Variants in CERT1 observed in about 807,000 individuals in gnomAD.
CERT1 encodes the protein ceramide transfer protein.
CERT1 carries 31 observed loss-of-function variants against 87.9 expected under a neutral mutation model. That is an observed-to-expected ratio of 0.35 (90% CI 0.27 to 0.48). The LOEUF is 0.48. Ranked by LOEUF, CERT1 falls within the 20% of genes least tolerant of loss-of-function variation. The probability of loss-of-function intolerance (pLI) is 0.99; values close to 1 mark genes in which losing one functional copy is unlikely to be tolerated. For synonymous variants in CERT1, 289 were observed against 250.9 expected (o/e 1.15, Z -1.44); for missense variants, 487 against 758.0 (o/e 0.64, Z 4.20).
chr5:75,505,200 T>C (rs1018066041), intron 2 of CERT1: 2 of 152,146 alleles, frequency 1.3e-5, no homozygotes, highest in African/African-American at 2.4e-5. Context: ...AGCAGAAGAA[T>C]TGCTTGAACC....
chr5:75,436,632 T>C (rs537018235), intron 3 of CERT1, among the ~76,000 whole-genome samples: 1 of 152,352 alleles, frequency 6.6e-6, no homozygotes, highest in South Asian at 2.1e-4. Flanking sequence ...TAGATACCTA[T>C]GTGTGATTCA....
chr5:75,454,669 C>A (rs1443645332), intron 3 of CERT1, among the ~76,000 whole-genome samples: 1 of 152,150 alleles, frequency 6.6e-6, no homozygotes, highest in Non-Finnish European at 1.5e-5. Flanking sequence ...CAACGACCAA[C>A]TAAGACCAAT....
chr5:75,497,604 G>C (rs1354494730), intron 2 of CERT1, among the ~76,000 whole-genome samples: 1 of 152,024 alleles, frequency 6.6e-6, no homozygotes, highest in Non-Finnish European at 1.5e-5. Context: ...TTTTATAAGG[G>C]CTTTCCCACC....
At chr5:75,496,338 T>C (rs1328029053) in intron 2 of CERT1, among the ~76,000 whole-genome samples, 1 of 146,952 alleles carries the variant, frequency 6.8e-6, no homozygotes, top group Non-Finnish European at 1.5e-5. Context: ...CTGACAAAAA[T>C]GCCAAGCAAA....
rs146905369 is a variant in CERT1, at chr5:75,424,503, C to T, written c.595+858G>A. Among the ~76,000 whole-genome samples the T allele has an allele frequency of 1.7e-3, 262 of 150,890 alleles. 2 individuals carry two copies. Among genetic ancestry groups the T allele is most frequent in the African/African-American group, 6.1e-3 (251 of 41,022 alleles). Reference sequence around the variant, plus strand: ...AGGACAATCACTTGAACCAGGGAGCCGGAGGTTGCAGCGAGCCGAGATCAC... The same window carrying T: ...AGGACAATCACTTGAACCAGGGAGCTGGAGGTTGCAGCGAGCCGAGATCAC... On this transcript the variant is annotated intron_variant, in intron 5 of 16. Coordinates refer to ENST00000643780, the MANE Select transcript of CERT1 (RefSeq NM_001379029.1).
chr5:75,467,781 A>G (rs1455353420), intron 2 of CERT1, among the ~76,000 whole-genome samples: 5 of 152,212 alleles, frequency 3.3e-5, no homozygotes, highest in African/African-American at 7.2e-5. Flanking sequence ...ACAGATGAGT[A>G]TATGTAAAAC....
intron 7 of CERT1, among the ~76,000 whole-genome samples, chr5:75,415,573 T>TA (rs1016511710): frequency 2.0e-5 from 3 of 152,016 alleles, no homozygotes; most frequent in South Asian, 2.1e-4. Context: ...TGCAAAGGTT[T>TA]AAAAAAAATT....
At position 75,470,025 on chromosome 5, in the gene CERT1, T is replaced by C. The variant is rs73764911; in HGVS notation, c.232-10844A>G. Among the ~76,000 whole-genome samples, 601 of 152,246 alleles carry C rather than the reference T, an allele frequency of 3.9e-3. 8 individuals are homozygous for C. Among genetic ancestry groups the C allele is most frequent in the African/African-American group, 0.014 (579 of 41,542 alleles). ...GAGGATATCACAATTATAAATATAA[T>C]ATGCATCCAACACTGGAACACCTAA... On this transcript the variant is annotated intron_variant, in intron 2 of 16. Coordinates refer to ENST00000643780, the MANE Select transcript of CERT1 (RefSeq NM_001379029.1).
chr5:75,441,034 T>G (rs139553542), intron 3 of CERT1, among the ~76,000 whole-genome samples: 142 of 152,258 alleles, frequency 9.3e-4, no homozygotes, highest in African/African-American at 3.3e-3. Flanking sequence ...TATCCAATAT[T>G]TAAAATGTGT....
At chr5:75,435,737 G>C (rs982633828) in intron 3 of CERT1, among the ~76,000 whole-genome samples, 4 of 152,156 alleles carry the variant, frequency 2.6e-5, no homozygotes, top group Admixed American at 6.5e-5. Flanking sequence ...AATCCTGGGG[G>C]GCTGAGACCA....
intron 2 of CERT1, among the ~76,000 whole-genome samples, chr5:75,470,921 T>C (rs1370450704): frequency 6.6e-6 from 1 of 152,086 alleles, no homozygotes; most frequent in Non-Finnish European, 1.5e-5. Context: ...AAAAAATCAC[T>C]AGTGTTTTTA....
At chr5:75,390,828 CAG>C (rs1230087129) in intron 11 of CERT1, among the ~76,000 whole-genome samples, 1 of 152,140 alleles carries the variant, frequency 6.6e-6, no homozygotes, top group Admixed American at 6.6e-5. Context: ...CCGCCAGAGA[CAG>C]GGTTATTTTG....
In CERT1 at chr5:75,511,291, C is replaced by G; in HGVS notation, c.-84G>C. 6.4e-7 allele frequency: 1 copy of G among 1,566,602 alleles called. No homozygotes were observed. Among genetic ancestry groups the G allele is most frequent in the Non-Finnish European group, 8.7e-7 (1 of 1,156,016 alleles). ...GCGCCCAGTCCTCGGGGTGAAGGGT[C>G]GGGGGATGGCGAAGCGAAGAGTGCC... On this transcript the variant is annotated 5_prime_UTR_variant, in exon 1 of 17. Coordinates refer to ENST00000643780, the MANE Select transcript of CERT1 (RefSeq NM_001379029.1).
At chr5:75,501,646 G>C (rs1411907822) in intron 2 of CERT1, among the ~76,000 whole-genome samples, 1 of 152,136 alleles carries the variant, frequency 6.6e-6, no homozygotes, top group Non-Finnish European at 1.5e-5. Context: ...AGGATAAGAA[G>C]GACAAGCCAA....
At chr5:75,477,668 A>AC (rs1401602932) in intron 2 of CERT1, among the ~76,000 whole-genome samples, 1 of 150,246 alleles carries the variant, frequency 6.7e-6, no homozygotes, top group African/African-American at 2.4e-5. Flanking sequence ...AAAAAAAAAA[A>AC]ACAACCAAAC....
chr5:75,382,792 T>C (rs1761639783), intron 14 of CERT1, among the ~76,000 whole-genome samples: 1 of 151,990 alleles, frequency 6.6e-6, no homozygotes, highest in African/African-American at 2.4e-5. Context: ...ACAAATCATT[T>C]GCAAGATGAA....
intron 8 of CERT1, chr5:75,410,609 C>CAAAAAAAAAA (rs34428665): frequency 7.4e-6 from 1 of 135,290 alleles, no homozygotes; most frequent in African/African-American, 2.8e-5. Context: ...GACTCGGTCT[C>CAAAAAAAAAA]AAAAAAAAAA....
chr5:75,480,316 G>A (rs1044691456), intron 2 of CERT1, among the ~76,000 whole-genome samples: 13 of 152,050 alleles, frequency 8.5e-5, no homozygotes, highest in Non-Finnish European at 1.6e-4. Context: ...ATACACCATC[G>A]GTCAACTCTA....
intron 2 of CERT1, among the ~76,000 whole-genome samples, chr5:75,472,640 A>C (rs1738985051): frequency 6.6e-6 from 1 of 152,216 alleles, no homozygotes; most frequent in Non-Finnish European, 1.5e-5. Context: ...AAAACATATA[A>C]ATTGTCAACA....
Sources: gnomAD v4.1 joint callset for allele counts (sites outside exome capture counted in the v4.1 genomes callset) on GRCh38, gnomAD v4.1.1 for gene constraint, MANE v1.5 for transcripts, NCBI Gene and HGNC (gene_info 2026-07-23, HGNC 2026-07-21) for gene names.